CACNA1A: variants seen among roughly 807,000 people sequenced by gnomAD.
CACNA1A encodes voltage-dependent P/Q-type calcium channel subunit alpha-1A.
A neutral mutation model predicts 262.4 loss-of-function variants in CACNA1A; 57 were observed. The ratio of observed to expected loss-of-function variants is 0.22; its 90% CI spans 0.18 to 0.27. The LOEUF (loss-of-function observed/expected upper bound fraction) is 0.27. Ranked by LOEUF, CACNA1A falls within the 10% of genes least tolerant of loss-of-function variation. The probability of loss-of-function intolerance (pLI) is 1.00; values close to 1 mark genes in which losing one functional copy is unlikely to be tolerated. For missense variants in CACNA1A, 2,526 were observed against 3,562.8 expected, an observed-to-expected ratio of 0.71 and a Z score of 7.41; for synonymous variants, 1,431 against 1,419.3, an observed-to-expected ratio of 1.01 and a Z score of -0.18.
At position 13,303,887 on chromosome 19, in the gene CACNA1A, G is replaced by T; in HGVS notation, c.1987-3C>A. On this transcript the variant is annotated splice_polypyrimidine_tract_variant and splice_region_variant and intron_variant, in intron 15 of 46. Coordinates refer to ENST00000360228, the MANE Select transcript of CACNA1A (RefSeq NM_001127222.2). ...TTCCAGTCTTCGCCCGTCAGGATCT[G>T]AAAGGGGAGGAAGAAACACACAGCC... is the stretch of plus-strand genomic sequence containing the variant. The T allele has an allele frequency of 6.2e-7, 1 of 1,600,856 alleles. No homozygotes were observed. Among genetic ancestry groups the T allele is most frequent in the Non-Finnish European group, 8.6e-7 (1 of 1,169,098 alleles).
At chr19:13,459,893 T>C (rs2061086271) in intron 1 of CACNA1A, among the ~76,000 whole-genome samples, 1 of 152,190 alleles carries the variant, frequency 6.6e-6, no homozygotes, top group East Asian at 1.9e-4. Context: ...GGGTTTCAAC[T>C]GGCCAGTGTT....
At chr19:13,278,555 C>A (rs919554939) in intron 22 of CACNA1A, among the ~76,000 whole-genome samples, 2 of 152,176 alleles carry the variant, frequency 1.3e-5, no homozygotes, top group African/African-American at 4.8e-5. Flanking sequence ...CCTCTGCCCA[C>A]CACACCCCCG....
At chr19:13,211,888 C>T in intron 43 of CACNA1A, 1 of 539,556 alleles carries the variant, frequency 1.9e-6, no homozygotes, top group South Asian at 2.4e-5. Flanking sequence ...GGAGCACTTT[C>T]CTCTCTGTCC....
rs376228771 is a variant in CACNA1A, at chr19:13,298,677, C to T, written c.2956G>A (p.Ala986Thr). 2.7e-6 allele frequency: 4 copies of T among 1,476,280 alleles called. No homozygotes were observed. Among genetic ancestry groups the T allele is most frequent in the Admixed American group, 5.2e-5 (2 of 38,312 alleles). The allele number at this position is 1,476,280 out of a possible 1,614,324, so 91.4% of individuals were successfully genotyped here. A position where few individuals can be genotyped will look rare whatever the true frequency, so the allele number is the denominator to read the frequency against. ...RARHREGSRP[A>T]RGGEGEGEGP... ...TCGCCCTCGCCCTCGCCGCCCCGGG[C>T]CGGCCGGCTGCCCTCGCGGTGCCGC... Residue 986 changes from alanine to threonine, a missense_variant, in exon 19 of 47, where the codon GCC (alanine) becomes ACC (threonine). By Grantham distance (58) the Ala-to-Thr change is moderately conservative. Transcript: ENST00000360228.
chr19:13,410,234 CT>C (rs61281364), intron 3 of CACNA1A, among the ~76,000 whole-genome samples: 8 of 148,134 alleles, frequency 5.4e-5, no homozygotes, highest in Admixed American at 6.8e-5. Context: ...GGTCTCCCAT[CT>C]TTTTTTTTTG....
In CACNA1A at chr19:13,308,567, T is replaced by A; in HGVS notation, c.1669-39A>T. 1 of 1,347,100 alleles carries A rather than the reference T, an allele frequency of 7.4e-7. No homozygotes were observed. The allele number at this position is 1,347,100 out of a possible 1,614,324, so 83.4% of individuals were successfully genotyped here. A position where few individuals can be genotyped will look rare whatever the true frequency, so the allele number is the denominator to read the frequency against. On this transcript the variant is annotated intron_variant, in intron 12 of 46. Transcript: ENST00000360228. This position sits in a 1 kb window ranked among gnomAD's most constrained non-coding sequence, Gnocchi z 4.2. ...CCTGGTCTCATGTCCAGGGACAGTGTCTGGGCTCCAGAACTGGCAAGCATT... is the reference window on the plus strand; with the variant it reads ...CCTGGTCTCATGTCCAGGGACAGTGACTGGGCTCCAGAACTGGCAAGCATT...
In CACNA1A at chr19:13,263,985, C is replaced by T. The variant is rs568309723; in HGVS notation, c.3990-1152G>A. On this transcript the variant is annotated intron_variant, in intron 24 of 46. Transcript: ENST00000360228. ...TGAAGGAGGGAAAATAACCGGGTGC[C>T]GCTGTTTTCAGATGCTGATGTGGCT... Among the ~76,000 whole-genome samples, 8 of 152,244 alleles carry T rather than the reference C, an allele frequency of 5.3e-5. No individual in the cohort carries two copies. The East Asian group carries it at 9.6e-4, about 18-fold the overall frequency.
At chr19:13,334,334 G>T in intron 8 of CACNA1A, 44 bp downstream of exon 8, 3 of 1,012,160 alleles carry the variant, frequency 3.0e-6, no homozygotes, top group Non-Finnish European at 4.8e-6. Context: ...GTACTCCGTG[G>T]CCTGGGATCT....
intron 9 of CACNA1A, among the ~76,000 whole-genome samples, chr19:13,330,917 T>C (rs949685078): frequency 6.6e-5 from 10 of 152,112 alleles, no homozygotes; most frequent in African/African-American, 2.2e-4. Flanking sequence ...GAAACCTCAC[T>C]TTCTTATGAA....
intron 3 of CACNA1A, among the ~76,000 whole-genome samples, chr19:13,419,552 C>T (rs978719353): frequency 1.3e-5 from 2 of 152,098 alleles, no homozygotes; most frequent in Non-Finnish European, 2.9e-5. Context: ...TGGCATGCAT[C>T]TGTGGTTCCA....
chr19:13,223,729 T>C (rs2055325650), intron 38 of CACNA1A, among the ~76,000 whole-genome samples: 2 of 152,162 alleles, frequency 1.3e-5, no homozygotes, highest in South Asian at 4.1e-4. Context: ...CCAGTCCTTC[T>C]GCCTGGAGCA....
Position 13,464,543 on chromosome 19 carries a change from A to ATTTTTTTTTTTTTTTTTTTT in CACNA1A, c.294-9351_294-9332dup, listed in dbSNP as rs540418372. On this transcript the variant is annotated intron_variant, in intron 1 of 46. Transcript: ENST00000360228. ...CTGCTAATAGTAAATAACTTTTCCA[A>ATTTTTTTTTTTTTTTTTTTT]TTTTTTTTTTTTTTTTTTTTTTAGA... Among the ~76,000 whole-genome samples the ATTTTTTTTTTTTTTTTTTTT allele has an allele frequency of 2.9e-4, 38 of 128,948 alleles. 2 individuals are homozygous for ATTTTTTTTTTTTTTTTTTTT. Among genetic ancestry groups the ATTTTTTTTTTTTTTTTTTTT allele is most frequent in the African/African-American group, 1.1e-3 (35 of 32,072 alleles). The allele number at this position is 128,948 out of a possible 152,430, so 84.6% of individuals were successfully genotyped here. A position where few individuals can be genotyped will look rare whatever the true frequency, so the allele number is the denominator to read the frequency against.
chr19:13,227,701 C>A, intron 36 of CACNA1A, 174 bp from the exon 37 acceptor site: 3 of 344,198 alleles, frequency 8.7e-6, no homozygotes, highest in Non-Finnish European at 1.6e-5. Context: ...ATAGATATTT[C>A]AAATCAATGG....
At chr19:13,284,895 G>A (rs1230250689) in intron 21 of CACNA1A, among the ~76,000 whole-genome samples, 173 bp downstream of exon 21, 2 of 152,138 alleles carry the variant, frequency 1.3e-5, no homozygotes, top group African/African-American at 4.8e-5. Context: ...AAAGTATATT[G>A]TGACAAATCA....
chr19:13,362,708 AGCCTTCACTGTTAAAAATG>A (rs1248525181), intron 5 of CACNA1A: 1 of 152,200 alleles, frequency 6.6e-6, no homozygotes, highest in Non-Finnish European at 1.5e-5. Flanking sequence ...ATCACACATT[AGCCTTCACTGTTAAAAATG>A]GCTGCAAATG....
chr19:13,224,761 C>T lies in CACNA1A; in HGVS notation c.5637G>A (p.Arg1879=), dbSNP rs2055371825. The change falls in exon 38 of 47, where the codon CGG becomes CGA. Residue 1879 remains arginine (R), a synonymous_variant. Coordinates refer to ENST00000360228, the MANE Select transcript of CACNA1A (RefSeq NM_001127222.2). ...TGTCATCTGCGACGGGCAGGTCCAT[C>T]CGCAGAAGCCGCTACAGAAAACCCA... ...PARVAYKRLL[R]MDLPVADDNT... is the part of the protein sequence containing the mutation. The T allele has an allele frequency of 1.9e-6, 3 of 1,604,708 alleles. No individual in the cohort carries two copies. The highest frequency in any genetic ancestry group is 8.5e-7 in the Non-Finnish European group (1 of 1,176,342).
chr19:13,387,329 T>C (rs1325047394), intron 3 of CACNA1A, among the ~76,000 whole-genome samples: 1 of 152,228 alleles, frequency 6.6e-6, no homozygotes, highest in Admixed American at 6.5e-5. Flanking sequence ...ATTCACTAAA[T>C]GTATTCTCTT....
chr19:13,216,611 A>G (rs1290346641), intron 38 of CACNA1A, among the ~76,000 whole-genome samples: 1 of 152,072 alleles, frequency 6.6e-6, no homozygotes, highest in Non-Finnish European at 1.5e-5. Context: ...TACAGGCATG[A>G]GCCACTGTGC....
intron 22 of CACNA1A, among the ~76,000 whole-genome samples, chr19:13,279,472 C>T (rs2057231870): frequency 6.6e-6 from 1 of 151,946 alleles, no homozygotes; most frequent in Admixed American, 6.6e-5. Context: ...GTGCAAGGGC[C>T]ACTGCGTTCA....
Sources: gnomAD v4.1 joint callset for allele counts (sites outside exome capture counted in the v4.1 genomes callset) on GRCh38, gnomAD v4.1.1 for gene constraint, Gnocchi (gnomAD v3.1) non-coding constraint, MANE v1.5 for transcripts, NCBI Gene and HGNC (gene_info 2026-07-23, HGNC 2026-07-21) for gene names.